Variants in KIAA0825 observed in about 807,000 individuals in gnomAD.
The protein encoded by KIAA0825 is KIAA0825.
KIAA0825 carries 119 observed loss-of-function variants against 147.6 expected under a neutral mutation model. The ratio of observed to expected loss-of-function variants is 0.81; its 90% confidence interval spans 0.69 to 0.94. KIAA0825 has a LOEUF of 0.94. Among genes scored for constraint, KIAA0825 ranks in the 40% least tolerant of loss-of-function variants. The pLI, the probability that KIAA0825 is intolerant of heterozygous loss-of-function variation, is 0.00. For missense variants in KIAA0825, 1,381 were observed against 1,472.7 expected (o/e 0.94, Z 1.02); for synonymous variants, 470 against 518.1 (o/e 0.91, Z 1.26).
In KIAA0825 at chr5:94,579,169, C is replaced by T. The variant is rs912632648; in HGVS notation, c.-2+3264G>A. ...ACTCCTGACCTCGTGATCTGCCCAC[C>T]TCGGCCTCCCAAAGTGCTGGGATTA... is the stretch of plus-strand genomic sequence containing the variant. On this transcript the variant is annotated intron_variant, in intron 2 of 20. Transcript: ENST00000682413. Among the ~76,000 whole-genome samples the T allele has an allele frequency of 3.9e-5, 6 of 152,174 alleles. No homozygotes were observed. The South Asian group carries it at 6.2e-4, about 16-fold the overall frequency.
At chr5:94,423,785 G>A (rs1754502323) in intron 14 of KIAA0825, among the ~76,000 whole-genome samples, 1 of 152,114 alleles carries the variant, frequency 6.6e-6, no homozygotes, top group African/African-American at 2.4e-5. Flanking sequence ...ATTATACCAT[G>A]TAAAATGAGG....
At chr5:94,191,160 C>G (rs1583802337) in intron 20 of KIAA0825, among the ~76,000 whole-genome samples, 1 of 152,102 alleles carries the variant, frequency 6.6e-6, no homozygotes, top group South Asian at 2.1e-4. Flanking sequence ...CATCAGGTAA[C>G]TTGTAGGTAC....
intron 5 of KIAA0825, among the ~76,000 whole-genome samples, chr5:94,493,010 T>C (rs960326384): frequency 1.3e-5 from 2 of 152,210 alleles, no homozygotes; most frequent in Non-Finnish European, 2.9e-5. Context: ...GAATCTAATA[T>C]AAGCTATGCA....
rs544536421 is a variant in KIAA0825 at position 94,594,485 on chromosome 5, T to G, written c.-152-11902A>C. ...AAGAAAGAAAAAAATCTCTTCTTTATGGAAGCCATAATATAACATTGGGAC... is the reference window on the plus strand; with the variant it reads ...AAGAAAGAAAAAAATCTCTTCTTTAGGGAAGCCATAATATAACATTGGGAC... On this transcript the variant is annotated intron_variant, in intron 1 of 20. Coordinates refer to ENST00000682413, the MANE Select transcript of KIAA0825 (RefSeq NM_001145678.3). 4 of 746,920 alleles carry G rather than the reference T, an allele frequency of 5.4e-6. No individual in the cohort carries two copies. The South Asian group carries it at 5.4e-5, about 10-fold the overall frequency. The allele number at this position is 746,920 out of a possible 1,614,324, so 46.3% of individuals were successfully genotyped here. A position where few individuals can be genotyped will look rare whatever the true frequency, so the allele number is the denominator to read the frequency against.
At chr5:94,348,404 G>A (rs1783251298) in intron 20 of KIAA0825, among the ~76,000 whole-genome samples, 1 of 152,142 alleles carries the variant, frequency 6.6e-6, no homozygotes, top group South Asian at 2.1e-4. Context: ...GGAAGCACTA[G>A]GTAACCTTTA....
chr5:94,617,768 C>G (rs970513166), intron 1 of KIAA0825: 4 of 152,194 alleles, frequency 2.6e-5, no homozygotes, highest in African/African-American at 9.7e-5. Flanking sequence ...TTGTCGGAAG[C>G]AATTTCTCTT....
chr5:94,477,263 G>T (rs1040600491), intron 6 of KIAA0825, 58 bp from the exon 7 acceptor site: 1 of 1,124,730 alleles, frequency 8.9e-7, no homozygotes, highest in Non-Finnish European at 1.3e-6. Context: ...AAGCATACTA[G>T]ATGTGATTTA....
At position 94,512,495 on chromosome 5, in the gene KIAA0825, C is replaced by T. The variant is rs1562576067; in HGVS notation, c.970+7753G>A. On this transcript the variant is annotated intron_variant, in intron 5 of 20. Coordinates refer to ENST00000682413, the MANE Select transcript of KIAA0825 (RefSeq NM_001145678.3). ...TAAGATATGGGTCCAGGCACAGTGC[C>T]TCATGCCTGTAATCTTAGCACTTTG... is the stretch of plus-strand genomic sequence containing the variant. 2.0e-5 allele frequency among the ~76,000 whole-genome samples: 3 copies of T among 151,626 alleles called. 1 individual carries two copies. Among genetic ancestry groups the T allele is most frequent in the Admixed American group, 1.3e-4 (2 of 15,208 alleles).
chr5:94,234,398 T>TA (rs1039697260), intron 20 of KIAA0825, among the ~76,000 whole-genome samples: 5 of 149,968 alleles, frequency 3.3e-5, no homozygotes, highest in Non-Finnish European at 7.4e-5. Context: ...AAAATAAAAA[T>TA]AAAAAAATAA....
intron 20 of KIAA0825, among the ~76,000 whole-genome samples, chr5:94,250,908 T>C (rs779062737): frequency 1.6e-4 from 24 of 152,124 alleles, no homozygotes; most frequent in Non-Finnish European, 2.9e-5. Context: ...AAAGCAGTCG[T>C]TCTGTTTTAT....
chr5:94,279,030 T>G (rs764654115), intron 20 of KIAA0825, among the ~76,000 whole-genome samples: 10 of 152,092 alleles, frequency 6.6e-5, no homozygotes, highest in Non-Finnish European at 1.2e-4. Context: ...TGTCACAATT[T>G]TATACATGAA....
chr5:94,549,675 T>A (rs867172795), intron 2 of KIAA0825, among the ~76,000 whole-genome samples: 1 of 152,116 alleles, frequency 6.6e-6, no homozygotes, highest in African/African-American at 2.4e-5. Context: ...ATTGAGCTAC[T>A]GCACTTCAGC....
At chr5:94,560,718 A>G (rs112875562) in intron 2 of KIAA0825, among the ~76,000 whole-genome samples, 192 of 152,296 alleles carry the variant, frequency 1.3e-3, no homozygotes, top group African/African-American at 4.4e-3. Flanking sequence ...AATGCTCTCA[A>G]AGATGACATT....
chr5:94,198,693 C>T (rs1771377064), intron 20 of KIAA0825, among the ~76,000 whole-genome samples: 1 of 152,082 alleles, frequency 6.6e-6, no homozygotes, highest in African/African-American at 2.4e-5. Context: ...TGCAGCAAAC[C>T]ATGGCACATG....
At chr5:94,379,191 T>C (rs1748024565) in intron 20 of KIAA0825, among the ~76,000 whole-genome samples, 1 of 152,248 alleles carries the variant, frequency 6.6e-6, no homozygotes, top group Non-Finnish European at 1.5e-5. Flanking sequence ...GCCTATGTCC[T>C]GGATAGTATT....
chr5:94,595,448 C>T (rs1020727950), intron 1 of KIAA0825, among the ~76,000 whole-genome samples: 1 of 152,178 alleles, frequency 6.6e-6, no homozygotes, highest in African/African-American at 2.4e-5. Flanking sequence ...GCACCAAGTC[C>T]CTAGACTGCA....
chr5:94,176,120 T>G (rs1354575629), intron 20 of KIAA0825, among the ~76,000 whole-genome samples: 1 of 152,066 alleles, frequency 6.6e-6, no homozygotes, highest in Non-Finnish European at 1.5e-5. Context: ...TTGAGAGGTG[T>G]TTGGGTCATG....
intron 2 of KIAA0825, among the ~76,000 whole-genome samples, chr5:94,573,757 C>T (rs768045343): frequency 2.6e-5 from 4 of 152,140 alleles, no homozygotes; most frequent in Non-Finnish European, 5.9e-5. Context: ...CAAAGAAAGG[C>T]CTTGCAGGGC....
chr5:94,608,828 AAG>A (rs1379131928), intron 1 of KIAA0825, among the ~76,000 whole-genome samples: 1 of 151,924 alleles, frequency 6.6e-6, no homozygotes, highest in African/African-American at 2.4e-5. Context: ...CCAATACTAC[AAG>A]AGTCTCCTGA....
Sources: gnomAD v4.1 joint callset for allele counts (sites outside exome capture counted in the v4.1 genomes callset) on GRCh38, gnomAD v4.1.1 for gene constraint, MANE v1.5 for transcripts, NCBI Gene and HGNC (gene_info 2026-07-23, HGNC 2026-07-21) for gene names.